Variants in MLLT3 observed in about 807,000 individuals in gnomAD.
MLLT3 encodes protein AF-9.
MLLT3 carries 4 observed loss-of-function variants against 53.2 expected under a neutral mutation model. That is an observed-to-expected ratio of 0.08 (90% CI 0.04 to 0.17). The LOEUF is 0.17. Among genes scored for constraint, MLLT3 ranks in the 10% least tolerant of loss-of-function variants. The pLI, the probability that MLLT3 is intolerant of heterozygous loss-of-function variation, is 1.00. For missense variants in MLLT3, 569 were observed against 684.0 expected (o/e 0.83, Z 1.87); for synonymous variants, 283 against 230.6 (o/e 1.23, Z -2.06).
intron 2 of MLLT3, among the ~76,000 whole-genome samples, chr9:20,458,702 G>A (rs1376195889): frequency 6.6e-6 from 1 of 152,142 alleles, no homozygotes; most frequent in African/African-American, 2.4e-5. Context: ...CTGGCACTCT[G>A]ATCTGGGACT....
rs192204881 is a variant in MLLT3 at position 20,400,290 on chromosome 9, A to G, written c.1125+13431T>C. On this transcript the variant is annotated intron_variant, in intron 5 of 10. Transcript: ENST00000380338. ...CTCCTCTTGCATCTTCATGTGAAAAAAGAGAGATGAGGGAGAACCTATAGA... is the reference window on the plus strand; with the variant it reads ...CTCCTCTTGCATCTTCATGTGAAAAGAGAGAGATGAGGGAGAACCTATAGA... Among the ~76,000 whole-genome samples, 96 of 152,280 alleles carry G rather than the reference A, an allele frequency of 6.3e-4. 1 individual carries two copies. The highest frequency in any genetic ancestry group is 1.9e-3 in the African/African-American group (77 of 41,574).
rs140170723 is a variant in MLLT3 at position 20,481,331 on chromosome 9, C to T, written c.194-24545G>A. On this transcript the variant is annotated intron_variant, in intron 2 of 10. Coordinates refer to ENST00000380338, the MANE Select transcript of MLLT3 (RefSeq NM_004529.4). ...AATTTCCCGATCGCTGTCACAGGAG[C>T]AAACATTTTCCTATTTTCCTCAGGA... 4.7e-3 allele frequency among the ~76,000 whole-genome samples: 709 copies of T among 152,300 alleles called. 17 individuals carry two copies. Among genetic ancestry groups the T allele is most frequent in the Admixed American group, 0.043 (661 of 15,292 alleles).
At chr9:20,532,761 T>C (rs1818378238) in intron 2 of MLLT3, 1 of 268,116 alleles carries the variant, frequency 3.7e-6, no homozygotes, top group Admixed American at 4.6e-5. Flanking sequence ...GCCATCCTAT[T>C]ACAAGCGGCT....
rs1325673615 is a variant in MLLT3 at position 20,520,284 on chromosome 9, C to A, written c.194-63498G>T. On this transcript the variant is annotated intron_variant, in intron 2 of 10. Transcript: ENST00000380338. The stretch of plus-strand genomic sequence containing the variant: ...TACCTGGGTGATGAAATAATCTGTA[C>A]AACAAACCTCTATGACACAAGTTTA... Among the ~76,000 whole-genome samples, 6 of 151,764 alleles carry A rather than the reference C, an allele frequency of 4.0e-5. 1 individual carries two copies. In the East Asian group the frequency reaches 1.2e-3, roughly 29 times the overall value.
chr9:20,451,747 C>A (rs777661568), intron 3 of MLLT3, among the ~76,000 whole-genome samples: 11 of 152,202 alleles, frequency 7.2e-5, no homozygotes, highest in Admixed American at 7.2e-4. Flanking sequence ...AAGTTACCCT[C>A]TCTCACTCTG....
intron 5 of MLLT3, among the ~76,000 whole-genome samples, chr9:20,387,129 T>G (rs146415869): frequency 6.6e-6 from 1 of 152,220 alleles, no homozygotes; most frequent in African/African-American, 2.4e-5. Flanking sequence ...AAAGACTGAA[T>G]AGTAAATGTT....
At position 20,532,478 on chromosome 9, in the gene MLLT3, T is replaced by C. The variant is rs148196065; in HGVS notation, c.194-75692A>G. On this transcript the variant is annotated intron_variant, in intron 2 of 10. Transcript: ENST00000380338. ...AATTTGAGCCTACATTTTCAACTTG[T>C]ATCATAAATTCTGTCCTAGGTCATT... 26 of 181,278 alleles carry C rather than the reference T, an allele frequency of 1.4e-4. No homozygotes were observed. The East Asian group carries it at 3.0e-3, about 21-fold the overall frequency. The allele number at this position is 181,278 out of a possible 1,614,324, so 11.2% of individuals were successfully genotyped here.
At chr9:20,434,615 C>A (rs181957926) in intron 4 of MLLT3, among the ~76,000 whole-genome samples, 144 of 152,242 alleles carry the variant, frequency 9.5e-4, no homozygotes, top group Non-Finnish European at 1.9e-3. Flanking sequence ...TAAGAGGAAT[C>A]GAAATGCCAT....
intron 4 of MLLT3, among the ~76,000 whole-genome samples, chr9:20,447,699 C>T (rs1207516278): frequency 6.6e-6 from 1 of 152,028 alleles, no homozygotes; most frequent in Admixed American, 6.6e-5. Flanking sequence ...AGTGAAGATA[C>T]CTTTTTTAAT....
intron 2 of MLLT3, chr9:20,533,141 G>T: frequency 3.7e-6 from 1 of 273,052 alleles, no homozygotes; most frequent in Non-Finnish European, 7.3e-6. Flanking sequence ...CTAGTTCACA[G>T]GAAGACCTGC....
chr9:20,554,304 A>G (rs891613180), intron 2 of MLLT3, among the ~76,000 whole-genome samples: 1 of 152,156 alleles, frequency 6.6e-6, no homozygotes, highest in African/African-American at 2.4e-5. Flanking sequence ...TCTGTTCTCT[A>G]TTACTTAAGA....
At chr9:20,457,716 A>G (rs1824007389) in intron 2 of MLLT3, among the ~76,000 whole-genome samples, 2 of 152,238 alleles carry the variant, frequency 1.3e-5, no homozygotes, top group African/African-American at 4.8e-5. Flanking sequence ...AGAATACATA[A>G]GAAACAATAA....
At chr9:20,504,183 A>T (rs1825324179) in intron 2 of MLLT3, among the ~76,000 whole-genome samples, 1 of 152,166 alleles carries the variant, frequency 6.6e-6, no homozygotes, top group Admixed American at 6.5e-5. Context: ...AGCAATTCCA[A>T]AACTGTGTAT....
intron 2 of MLLT3, among the ~76,000 whole-genome samples, chr9:20,563,219 G>A (rs868200345): frequency 1.3e-4 from 20 of 152,024 alleles, no homozygotes; most frequent in Admixed American, 1.3e-4. Context: ...CACAGTCCTG[G>A]GAAAATCAGT....
intron 2 of MLLT3, among the ~76,000 whole-genome samples, chr9:20,613,500 A>G (rs1194270490): frequency 6.6e-6 from 1 of 152,222 alleles, no homozygotes; most frequent in East Asian, 1.9e-4. Flanking sequence ...CAAACAAGGA[A>G]TCAAATAAGA....
intron 4 of MLLT3, among the ~76,000 whole-genome samples, chr9:20,437,463 T>C (rs1823433826): frequency 6.6e-6 from 1 of 152,012 alleles, no homozygotes; most frequent in Non-Finnish European, 1.5e-5. Context: ...TCAGATAAAA[T>C]GATCCCAGGG....
chr9:20,368,374 G>A (rs1289626913), intron 5 of MLLT3, among the ~76,000 whole-genome samples: 1 of 152,148 alleles, frequency 6.6e-6, no homozygotes, highest in Non-Finnish European at 1.5e-5. Context: ...TATTTTGATA[G>A]CTCTGGAAAC....
At chr9:20,513,620 G>T (rs999532012) in intron 2 of MLLT3, among the ~76,000 whole-genome samples, 8 of 152,150 alleles carry the variant, frequency 5.3e-5, no homozygotes, top group African/African-American at 1.9e-4. Context: ...GAATGAGAGT[G>T]GCTACCGTGG....
intron 5 of MLLT3, among the ~76,000 whole-genome samples, chr9:20,400,302 G>A (rs1220754207): frequency 6.6e-6 from 1 of 152,016 alleles, no homozygotes; most frequent in East Asian, 1.9e-4. Flanking sequence ...GAGAGATGAG[G>A]GAGAACCTAT....
Sources: gnomAD v4.1 joint callset for allele counts (sites outside exome capture counted in the v4.1 genomes callset) on GRCh38, gnomAD v4.1.1 for gene constraint, MANE v1.5 for transcripts, NCBI Gene and HGNC (gene_info 2026-07-23, HGNC 2026-07-21) for gene names.